Variants in QTMAN observed in about 807,000 individuals in gnomAD.
QTMAN encodes queuosine-tRNA mannosyltransferase, also known as tRNA-queuosine alpha-mannosyltransferase.
chr2:144,252,717 C>A, the QTMAN span, among the ~76,000 whole-genome samples: 293 of 152,250 alleles, frequency 1.9e-3, 1 homozygote, highest in African/African-American at 6.6e-3. Context: ...CATGCTCTTA[C>A]CATGCAATCC....
the QTMAN span, among the ~76,000 whole-genome samples, chr2:143,984,345 G>A: frequency 6.6e-6 from 1 of 152,196 alleles, no homozygotes; most frequent in African/African-American, 2.4e-5. Context: ...AAATAGATGT[G>A]CAGGTGGAAG....
the QTMAN span, among the ~76,000 whole-genome samples, chr2:144,083,911 T>C: frequency 1.3e-5 from 2 of 152,346 alleles, no homozygotes; most frequent in South Asian, 4.1e-4. Context: ...TAAGCATATT[T>C]TTCAATTTCA....
chr2:144,055,872 A>C, the QTMAN span, among the ~76,000 whole-genome samples: 1 of 152,188 alleles, frequency 6.6e-6, no homozygotes, highest in Non-Finnish European at 1.5e-5. Flanking sequence ...ATCAAGCGGC[A>C]AAGTGGAAGA....
the QTMAN span, chr2:144,332,427 G>C: frequency 6.8e-6 from 1 of 147,720 alleles, no homozygotes; most frequent in African/African-American, 2.5e-5. Flanking sequence ...CCCCAGCCCG[G>C]AGCCTACTCA....
the QTMAN span, among the ~76,000 whole-genome samples, chr2:144,072,457 A>T: frequency 6.6e-6 from 1 of 152,194 alleles, no homozygotes; most frequent in Admixed American, 6.5e-5. Context: ...ACTAGATTCG[A>T]GCACTTAGTC....
At chr2:144,205,681 G>T in the QTMAN span, among the ~76,000 whole-genome samples, 1 of 152,138 alleles carries the variant, frequency 6.6e-6, no homozygotes, top group African/African-American at 2.4e-5. Flanking sequence ...GTGAAAAAAT[G>T]ATTTCTAAAT....
At chr2:143,993,866 C>A in the QTMAN span, among the ~76,000 whole-genome samples, 1 of 152,058 alleles carries the variant, frequency 6.6e-6, no homozygotes. Context: ...ATGTACCACT[C>A]ATAAACAGGA....
chr2:143,970,743 C>T, the QTMAN span: 2 of 1,578,788 alleles, frequency 1.3e-6, no homozygotes, highest in South Asian at 2.2e-5. Context: ...AAAAAGCTTT[C>T]TGGATCTTTA....
At chr2:143,956,060 C>T in the QTMAN span, among the ~76,000 whole-genome samples, 5 of 152,168 alleles carry the variant, frequency 3.3e-5, no homozygotes, top group African/African-American at 1.2e-4. Flanking sequence ...AAATTAGCCA[C>T]ATTTCTAAGT....
chr2:144,194,084 TAAAC>T, the QTMAN span, among the ~76,000 whole-genome samples: 2 of 152,120 alleles, frequency 1.3e-5, no homozygotes, highest in Non-Finnish European at 2.9e-5. Flanking sequence ...CATTTTAAAA[TAAAC>T]AGAGACTAGA....
chr2:144,094,235 T>C, the QTMAN span, among the ~76,000 whole-genome samples: 2 of 152,210 alleles, frequency 1.3e-5, no homozygotes, highest in African/African-American at 2.4e-5. Context: ...GAAATACTTT[T>C]TGATCAATAA....
chr2:143,986,979 G>C, the QTMAN span, among the ~76,000 whole-genome samples: 2 of 152,072 alleles, frequency 1.3e-5, no homozygotes, highest in African/African-American at 4.8e-5. Context: ...AGAGGTAAAG[G>C]GCTCACACCA....
chr2:144,083,218 A>G, the QTMAN span, among the ~76,000 whole-genome samples: 11 of 152,210 alleles, frequency 7.2e-5, no homozygotes, highest in African/African-American at 2.7e-4. Context: ...CTTGGTTAGA[A>G]AAGGCCACGC....
chr2:144,206,104 T>C, the QTMAN span, among the ~76,000 whole-genome samples: 1 of 152,170 alleles, frequency 6.6e-6, no homozygotes, highest in Non-Finnish European at 1.5e-5. Context: ...TTTCAGAGAG[T>C]AAGCTTATAA....
the QTMAN span, chr2:144,178,184 A>AGG: frequency 1.3e-5 from 2 of 152,184 alleles, no homozygotes; most frequent in Non-Finnish European, 2.9e-5. Context: ...TTAGAAGCCT[A>AGG]GGGTTCAAGT....
At chr2:144,258,078 C>A in the QTMAN span, among the ~76,000 whole-genome samples, 1 of 150,758 alleles carries the variant, frequency 6.6e-6, no homozygotes, top group East Asian at 2.0e-4. Context: ...GTGACAACAA[C>A]AAAACAGAAT....
chr2:143,938,707 C>A, the QTMAN span: 2 of 152,016 alleles, frequency 1.3e-5, no homozygotes, highest in Non-Finnish European at 1.5e-5. Flanking sequence ...TTTCCAAGTC[C>A]TTTTTTTAAA....
At chr2:144,192,595 A>G in the QTMAN span, among the ~76,000 whole-genome samples, 1 of 152,346 alleles carries the variant, frequency 6.6e-6, no homozygotes, top group East Asian at 1.9e-4. Flanking sequence ...AGACTTTTGA[A>G]AGAAATAAAA....
the QTMAN span, chr2:144,007,535 T>G: frequency 1.9e-6 from 3 of 1,544,706 alleles, no homozygotes; most frequent in South Asian, 3.8e-5. Context: ...TGGGCATGAA[T>G]CTGTTACAAA....
Sources: allele counts gnomAD v4.1 joint callset (sites outside exome capture counted in the v4.1 genomes callset), GRCh38; gene constraint gnomAD v4.1.1; transcripts MANE v1.5; gene names NCBI Gene and HGNC (gene_info 2026-07-23, HGNC 2026-07-21).